Variants in FREM1 observed in about 807,000 individuals in gnomAD.
FREM1 encodes the protein FRAS1-related extracellular matrix protein 1.
Under a neutral mutation model 210.1 loss-of-function variants are expected in FREM1, and 220 were observed. That is an observed-to-expected ratio of 1.05 (90% CI 0.94 to 1.17). The LOEUF is 1.17. Among genes scored for constraint, FREM1 ranks in the 50% most tolerant of loss-of-function variants. The probability of loss-of-function intolerance (pLI) is 0.00; values close to 1 mark genes in which losing one functional copy is unlikely to be tolerated. For synonymous variants in FREM1, 1,189 were observed against 980.2 expected, an observed-to-expected ratio of 1.21 and a Z score of -3.98; for missense variants, 3,454 against 2,675.5, an observed-to-expected ratio of 1.29 and a Z score of -6.42.
intron 10 of FREM1, among the ~76,000 whole-genome samples, chr9:14,831,864 C>G (rs1328031379): frequency 6.6e-6 from 1 of 152,198 alleles, no homozygotes; most frequent in African/African-American, 2.4e-5. Context: ...CGGAGGGTCA[C>G]GCCTGCAAGT....
In FREM1 at chr9:14,747,053, T is replaced by C. The variant is rs1202152115; in HGVS notation, c.6010-2A>G. ...CTTTGGAAATGAGGGCAACTGGTCC[T>C]TTGGGAAGGAAAGGCAATTTAGCAA... On this transcript the variant is annotated splice_acceptor_variant, in intron 33 of 36. Coordinates refer to ENST00000380880, the MANE Select transcript of FREM1 (RefSeq NM_001379081.2). LOFTEE classifies it high-confidence loss of function. The C allele has an allele frequency of 1.2e-6, 2 of 1,613,056 alleles. No individual in the cohort carries two copies. Among genetic ancestry groups the C allele is most frequent in the East Asian group, 4.5e-5 (2 of 44,870 alleles).
chr9:14,764,485 A>G (rs1846047051), intron 27 of FREM1, among the ~76,000 whole-genome samples: 1 of 152,234 alleles, frequency 6.6e-6, no homozygotes, highest in South Asian at 2.1e-4. Context: ...GCATAGAGAG[A>G]AAGATGGCAT....
intron 20 of FREM1, among the ~76,000 whole-genome samples, chr9:14,800,025 A>C (rs567025909): frequency 2.4e-3 from 343 of 145,634 alleles, no homozygotes; most frequent in Middle Eastern, 3.6e-3. Flanking sequence ...TCAATTCCCA[A>C]CTATGAGTGA....
At chr9:14,906,735 G>C (rs775058233) in intron 1 of FREM1, among the ~76,000 whole-genome samples, 1 of 152,176 alleles carries the variant, frequency 6.6e-6, no homozygotes, top group African/African-American at 2.4e-5. Flanking sequence ...CAAAGTTGTG[G>C]CTCACATATT....
intron 10 of FREM1, among the ~76,000 whole-genome samples, chr9:14,835,477 G>C (rs1001402460): frequency 6.6e-6 from 1 of 152,192 alleles, no homozygotes; most frequent in Non-Finnish European, 1.5e-5. Context: ...AATCAAGCTC[G>C]ACATGTACAG....
In FREM1 at chr9:14,816,845, A is replaced by G; in HGVS notation, c.2573T>C (p.Leu858Pro). 7.0e-7 allele frequency: 1 copy of G among 1,433,590 alleles called. No homozygotes were observed. The highest frequency in any genetic ancestry group is 9.4e-7 in the Non-Finnish European group (1 of 1,061,562). 88.8% of individuals were successfully genotyped at this position (1,433,590 alleles called of 1,614,324 possible). A position where few individuals can be genotyped will look rare whatever the true frequency, so the allele number is the denominator to read the frequency against. Residue 858 changes from leucine (L) to proline (P), a missense_variant, in exon 15 of 37, where the codon CTT (leucine) becomes CCT (proline). Coordinates refer to ENST00000380880, the MANE Select transcript of FREM1 (RefSeq NM_001379081.2). ...GACCTCCAAGAGTAGGTCATCCTGA[A>G]GAACTTCAGTTCCATCATGTTGATA... ...VRYQHDGTEV[L>P]QDDLLLEVTD...
chr9:14,747,121 T>C, intron 33 of FREM1, 70 bp from the exon 34 acceptor site: 1 of 1,602,714 alleles, frequency 6.2e-7, no homozygotes. Flanking sequence ...ATTCACCTCC[T>C]TTGGGTCTTC....
chr9:14,747,481 G>A, intron 32 of FREM1, 53 bp from the exon 33 acceptor site: 1 of 1,530,614 alleles, frequency 6.5e-7, no homozygotes, highest in South Asian at 1.2e-5. Context: ...CATCAAGATA[G>A]CAAACAAAAA....
At chr9:14,875,891 A>T (rs569856741) in intron 1 of FREM1, among the ~76,000 whole-genome samples, 1 of 152,246 alleles carries the variant, frequency 6.6e-6, no homozygotes, top group South Asian at 2.1e-4. Context: ...TTTCCTTCTA[A>T]CAGACAGGAC....
rs1339254428 is a variant in FREM1, at chr9:14,860,867, A to ATATACG, written c.330-1384_330-1383insCGTATA. ...TACATATATACGTATATATACACAT[A>ATATACG]TATATACGTATATATACACATATAT... On this transcript the variant is annotated intron_variant, in intron 3 of 36. Transcript: ENST00000380880. Among the ~76,000 whole-genome samples the ATATACG allele has an allele frequency of 3.4e-4, 15 of 44,376 alleles. 2 individuals are homozygous for ATATACG. Among genetic ancestry groups the ATATACG allele is most frequent in the African/African-American group, 3.0e-3 (13 of 4,348 alleles). 29.1% of individuals were successfully genotyped at this position (44,376 alleles called of 152,430 possible).
At chr9:14,870,907 TG>T (rs1265588859) in intron 1 of FREM1, among the ~76,000 whole-genome samples, 3 of 150,798 alleles carry the variant, frequency 2.0e-5, no homozygotes, top group Non-Finnish European at 3.0e-5. Context: ...ATGCGGTGTT[TG>T]GTTTTTTGTT....
chr9:14,847,102 C>A (rs1340139261), intron 7 of FREM1, among the ~76,000 whole-genome samples: 1 of 152,124 alleles, frequency 6.6e-6, no homozygotes, highest in African/African-American at 2.4e-5. Context: ...AACTTTAACC[C>A]ATTAAACACA....
At chr9:14,880,539 G>A (rs558494939) in intron 1 of FREM1, among the ~76,000 whole-genome samples, 1 of 150,304 alleles carries the variant, frequency 6.7e-6, no homozygotes, top group South Asian at 2.1e-4. Flanking sequence ...GGGAGGCAAA[G>A]GGTGCAGTGG....
At chr9:14,837,074 T>C (rs112356286) in intron 10 of FREM1, among the ~76,000 whole-genome samples, 25,152 of 152,208 alleles carry the variant, frequency 0.17, 2,468 homozygotes, top group Non-Finnish European at 0.22. Flanking sequence ...GGCGATTCCC[T>C]TGGCCTTCTT....
chr9:14,853,408 G>A (rs1049795284), intron 5 of FREM1, among the ~76,000 whole-genome samples: 1 of 152,150 alleles, frequency 6.6e-6, no homozygotes, highest in Non-Finnish European at 1.5e-5. Flanking sequence ...AGGAGCTGCA[G>A]GAGAAATTGC....
chr9:14,795,074 T>A (rs1244065434), intron 21 of FREM1, among the ~76,000 whole-genome samples: 1 of 151,340 alleles, frequency 6.6e-6, no homozygotes, highest in Non-Finnish European at 1.5e-5. Context: ...TGGGCAGAAA[T>A]GGAACTCTTC....
intron 23 of FREM1, among the ~76,000 whole-genome samples, chr9:14,785,586 A>C (rs1349316026): frequency 6.6e-6 from 1 of 152,218 alleles, no homozygotes; most frequent in African/African-American, 2.4e-5. Flanking sequence ...ATATACATAC[A>C]CTGTAATACC....
chr9:14,870,914 T>C (rs1458069855), intron 1 of FREM1, among the ~76,000 whole-genome samples: 2 of 151,344 alleles, frequency 1.3e-5, no homozygotes, highest in African/African-American at 4.9e-5. Flanking sequence ...GTTTGGTTTT[T>C]TGTTCCTGCG....
At chr9:14,757,163 C>T (rs1295932735) in intron 28 of FREM1, among the ~76,000 whole-genome samples, 1 of 152,208 alleles carries the variant, frequency 6.6e-6, no homozygotes, top group African/African-American at 2.4e-5. Context: ...ACCCCTGCTT[C>T]TCAGCTCCAG....
Sources: gnomAD v4.1 joint callset for allele counts (sites outside exome capture counted in the v4.1 genomes callset) on GRCh38, gnomAD v4.1.1 for gene constraint, MANE v1.5 for transcripts, NCBI Gene and HGNC (gene_info 2026-07-23, HGNC 2026-07-21) for gene names.